Variants in NEGR1 observed in about 807,000 individuals in gnomAD.
The protein encoded by NEGR1 is IgLON family member 4.
NEGR1 carries 10 observed loss-of-function variants against 40.9 expected under a neutral mutation model. That is an observed-to-expected ratio of 0.24 (90% CI 0.15 to 0.42). The LOEUF (loss-of-function observed/expected upper bound fraction) is 0.42, where lower values mean the gene tolerates loss of function less well. Ranked by LOEUF, NEGR1 falls within the 10% of genes least tolerant of loss-of-function variation. NEGR1 has a pLI of 1.00. For missense variants in NEGR1, 352 were observed against 438.9 expected (o/e 0.80, Z 1.77); for synonymous variants, 185 against 166.8 (o/e 1.11, Z -0.84).
intron 4 of NEGR1, among the ~76,000 whole-genome samples, chr1:71,690,487 G>C (rs1463477924): frequency 1.3e-5 from 2 of 150,406 alleles, no homozygotes; most frequent in African/African-American, 4.9e-5. Flanking sequence ...TGATTTTCAG[G>C]GTTTGGTCCT....
At chr1:71,511,118 G>T (rs1647069906) in intron 6 of NEGR1, among the ~76,000 whole-genome samples, 1 of 152,168 alleles carries the variant, frequency 6.6e-6, no homozygotes, top group South Asian at 2.1e-4. Flanking sequence ...GAGATGGTAA[G>T]ACAGAGCATT....
intron 3 of NEGR1, among the ~76,000 whole-genome samples, chr1:71,718,488 T>C (rs1654349755): frequency 6.6e-6 from 1 of 152,220 alleles, no homozygotes; most frequent in African/African-American, 2.4e-5. Flanking sequence ...CTTTTCTTTA[T>C]AAATTACCTA....
At chr1:71,480,802 A>T (rs759796993) in intron 6 of NEGR1, among the ~76,000 whole-genome samples, 6 of 151,850 alleles carry the variant, frequency 4.0e-5, no homozygotes, top group Non-Finnish European at 8.8e-5. Context: ...TACCTTACAT[A>T]CCTAATCTTT....
intron 4 of NEGR1, among the ~76,000 whole-genome samples, chr1:71,622,598 C>A (rs1229305339): frequency 6.6e-6 from 1 of 151,824 alleles, no homozygotes; most frequent in Non-Finnish European, 1.5e-5. Context: ...GTTGTTAGAG[C>A]TTCCATGATG....
intron 4 of NEGR1, among the ~76,000 whole-genome samples, chr1:71,676,516 G>A (rs749545808): frequency 1.3e-5 from 2 of 152,158 alleles, no homozygotes; most frequent in Non-Finnish European, 2.9e-5. Flanking sequence ...TGAACTATAA[G>A]TGATCTCCCA....
chr1:72,108,840 A>T (rs1414362952), intron 1 of NEGR1, among the ~76,000 whole-genome samples: 1 of 151,616 alleles, frequency 6.6e-6, no homozygotes, highest in Non-Finnish European at 1.5e-5. Flanking sequence ...CCTCTAAGTT[A>T]GGTATTAATT....
At position 72,253,699 on chromosome 1, in the gene NEGR1, T is replaced by C. The variant is rs192911103; in HGVS notation, c.176+28620A>G. Among the ~76,000 whole-genome samples the C allele has an allele frequency of 4.0e-3, 610 of 152,140 alleles. 6 individuals carry two copies. The highest frequency in any genetic ancestry group is 6.0e-3 in the Non-Finnish European group (409 of 67,980). On this transcript the variant is annotated intron_variant, in intron 1 of 6. Coordinates refer to ENST00000357731, the MANE Select transcript of NEGR1 (RefSeq NM_173808.3). ...ATGCTAATCAAATAGGTATAAGAAA[T>C]AAAGTATAGGAAAAACTAATCCAAT...
At chr1:72,225,166 A>T (rs1372771168) in intron 1 of NEGR1, among the ~76,000 whole-genome samples, 1 of 151,998 alleles carries the variant, frequency 6.6e-6, no homozygotes, top group African/African-American at 2.4e-5. Flanking sequence ...CCTTCAGACC[A>T]GAATCTATAT....
chr1:71,524,011 G>C (rs1055188382), intron 6 of NEGR1, among the ~76,000 whole-genome samples: 1 of 151,392 alleles, frequency 6.6e-6, no homozygotes, highest in South Asian at 2.1e-4. Flanking sequence ...TTCATTTTCT[G>C]TTTGCTTTTG....
intron 6 of NEGR1, among the ~76,000 whole-genome samples, chr1:71,583,251 G>T (rs1649194462): frequency 6.6e-6 from 1 of 152,078 alleles, no homozygotes; most frequent in South Asian, 2.1e-4. Flanking sequence ...GAATTAAGGA[G>T]GATGGTAACA....
chr1:72,236,291 G>GAGAT (rs1654542372), intron 1 of NEGR1, among the ~76,000 whole-genome samples: 2 of 152,022 alleles, frequency 1.3e-5, no homozygotes, highest in African/African-American at 4.8e-5. Flanking sequence ...GAGGGGTGGG[G>GAGAT]AGATAGAGGA....
chr1:72,264,832 T>G (rs926572343), intron 1 of NEGR1, among the ~76,000 whole-genome samples: 1 of 150,848 alleles, frequency 6.6e-6, no homozygotes, highest in African/African-American at 2.4e-5. Context: ...CGTAGAAAAC[T>G]ACCTTTTTGA....
intron 1 of NEGR1, among the ~76,000 whole-genome samples, chr1:72,176,685 A>C (rs1460848767): frequency 1.3e-5 from 2 of 152,098 alleles, no homozygotes; most frequent in Non-Finnish European, 2.9e-5. Flanking sequence ...ACAAACAAAC[A>C]AAACCACTGT....
chr1:72,228,422 C>T (rs1240033561), intron 1 of NEGR1, among the ~76,000 whole-genome samples: 6 of 152,136 alleles, frequency 3.9e-5, no homozygotes, highest in Non-Finnish European at 8.8e-5. Flanking sequence ...GTTTTCACAC[C>T]TTCAGCCTCA....
At chr1:72,209,152 T>A (rs536634233) in intron 1 of NEGR1, among the ~76,000 whole-genome samples, 16 of 151,754 alleles carry the variant, frequency 1.1e-4, no homozygotes, top group African/African-American at 3.9e-4. Flanking sequence ...TTAAACTCTT[T>A]TAATTTTACT....
intron 1 of NEGR1, among the ~76,000 whole-genome samples, chr1:72,191,558 C>A (rs1242115880): frequency 3.3e-5 from 5 of 151,738 alleles, no homozygotes; most frequent in African/African-American, 7.3e-5. Context: ...TAATAAACAT[C>A]CATAGGGTAT....
At chr1:71,633,191 T>C (rs17091539) in intron 4 of NEGR1, among the ~76,000 whole-genome samples, 5,492 of 152,174 alleles carry the variant, frequency 0.036, 127 homozygotes, top group African/African-American at 0.07. Flanking sequence ...ACATGCCCAA[T>C]TTCACTTATG....
chr1:72,277,100 G>C (rs115092312), intron 1 of NEGR1, among the ~76,000 whole-genome samples: 2,939 of 152,236 alleles, frequency 0.019, 40 homozygotes, highest in South Asian at 0.042. Context: ...AAATGCCCTA[G>C]CCCCTCAATT....
At chr1:72,178,679 GC>G (rs376184196) in intron 1 of NEGR1, among the ~76,000 whole-genome samples, 22 of 151,144 alleles carry the variant, frequency 1.5e-4, no homozygotes, top group African/African-American at 5.4e-4. Flanking sequence ...CTGCAACCTT[GC>G]CAGCGTCTGT....
Sources: allele counts gnomAD v4.1 joint callset (sites outside exome capture counted in the v4.1 genomes callset), GRCh38; gene constraint gnomAD v4.1.1; transcripts MANE v1.5; gene names NCBI Gene and HGNC (gene_info 2026-07-23, HGNC 2026-07-21).